The following SDK1 variants were observed in gnomAD, a reference collection of about 807,000 sequenced individuals.
The protein encoded by SDK1 is sidekick cell adhesion molecule 1.
A neutral mutation model predicts 245.5 loss-of-function variants in SDK1; 157 were observed. The observed-to-expected ratio is 0.64, with a 90% CI of 0.56 to 0.73. The LOEUF is 0.73. Ranked by LOEUF, SDK1 falls within the 30% of genes least tolerant of loss-of-function variation. SDK1 has a pLI of 0.00. For missense variants in SDK1, 3,583 were observed against 3,002.3 expected (o/e 1.19, Z -4.52); for synonymous variants, 1,647 against 1,278.5 (o/e 1.29, Z -6.15).
chr7:3,653,365 C>G (rs566534762), intron 4 of SDK1, among the ~76,000 whole-genome samples: 1 of 152,250 alleles, frequency 6.6e-6, no homozygotes, highest in Admixed American at 6.5e-5. Context: ...TATTTGAAAT[C>G]TAGACTTAGA....
Position 3,580,996 on chromosome 7 carries a change from C to CAAAAAAAAAAAAAAAAAAAAAA in SDK1, c.299-38080_299-38079insAAAAAAAAAAAAAAAAAAAAAA, listed in dbSNP as rs1418335916. On this transcript the variant is annotated intron_variant, in intron 1 of 44. Transcript: ENST00000404826. ...AAAAAAAAAAAAAAAAAAAAAAAACCAAAACAAAACCCTGGAAGACAATCT... is the reference window on the plus strand; with the variant it reads ...AAAAAAAAAAAAAAAAAAAAAAAACCAAAAAAAAAAAAAAAAAAAAAAAAAACAAAACCCTGGAAGACAATCT... 9.7e-5 allele frequency among the ~76,000 whole-genome samples: 9 copies of CAAAAAAAAAAAAAAAAAAAAAA among 92,962 alleles called. 1 individual carries two copies. The highest frequency in any genetic ancestry group is 3.6e-4 in the East Asian group (1 of 2,776). The allele number at this position is 92,962 out of a possible 152,430, so 61.0% of individuals were successfully genotyped here. A position where few individuals can be genotyped will look rare whatever the true frequency, so the allele number is the denominator to read the frequency against.
rs574638298 is a variant in SDK1 at position 4,244,212 on chromosome 7, A to G, written c.6252-1464A>G. Among the ~76,000 whole-genome samples, 5 of 152,170 alleles carry G rather than the reference A, an allele frequency of 3.3e-5. No homozygotes were observed. The South Asian group carries it at 1.0e-3, about 32-fold the overall frequency. On this transcript the variant is annotated intron_variant, in intron 43 of 44. Coordinates refer to ENST00000404826, the MANE Select transcript of SDK1 (RefSeq NM_152744.4). ...GCCTGTAGCCTCTCCTTGATCACCCAGTGTTACTTCTCCCATTGAGGGATG... is the reference window on the plus strand; with the variant it reads ...GCCTGTAGCCTCTCCTTGATCACCCGGTGTTACTTCTCCCATTGAGGGATG...
intron 13 of SDK1, among the ~76,000 whole-genome samples, chr7:3,975,968 T>C (rs1782922518): frequency 8.5e-6 from 1 of 117,558 alleles, no homozygotes; most frequent in African/African-American, 3.2e-5. Context: ...CAGAGGGTCC[T>C]CCAGAGAATC....
chr7:3,923,535 CCT>C (rs1172079893), intron 5 of SDK1, among the ~76,000 whole-genome samples: 1 of 152,178 alleles, frequency 6.6e-6, no homozygotes, highest in Non-Finnish European at 1.5e-5. Context: ...GTGGGCATCC[CCT>C]GAGTACCTGC....
chr7:4,161,948 A>G (rs1781162456), intron 32 of SDK1, 92 bp downstream of exon 32: 2 of 1,159,082 alleles, frequency 1.7e-6, no homozygotes. Context: ...CTGCAAGCTG[A>G]GCCCTGAGCT....
chr7:3,942,065 C>A (rs1780390517), intron 5 of SDK1, among the ~76,000 whole-genome samples: 1 of 152,110 alleles, frequency 6.6e-6, no homozygotes, highest in Admixed American at 6.5e-5. Flanking sequence ...CGCCACCATG[C>A]CCAGCTAATT....
At chr7:3,627,714 C>G (rs1047228404) in intron 2 of SDK1, among the ~76,000 whole-genome samples, 10 of 152,152 alleles carry the variant, frequency 6.6e-5, no homozygotes, top group African/African-American at 2.4e-4. Flanking sequence ...CCAACATGAC[C>G]GATTGATGTC....
chr7:4,145,282 G>C (rs1779881893), intron 28 of SDK1, among the ~76,000 whole-genome samples: 1 of 152,198 alleles, frequency 6.6e-6, no homozygotes, highest in Admixed American at 6.5e-5. Flanking sequence ...GGCCGCTGTG[G>C]AGCTGCTGTC....
chr7:4,033,240 T>G (rs1787962695), intron 17 of SDK1, among the ~76,000 whole-genome samples: 2 of 151,370 alleles, frequency 1.3e-5, no homozygotes, highest in Admixed American at 1.3e-4. Flanking sequence ...ATTATTGAAA[T>G]AAGTGGATAC....
chr7:3,789,442 C>CT (rs1360717068), intron 4 of SDK1, among the ~76,000 whole-genome samples: 1 of 152,196 alleles, frequency 6.6e-6, no homozygotes, highest in African/African-American at 2.4e-5. Context: ...GCCACTCTGC[C>CT]CAGCCTGTAA....
intron 1 of SDK1, among the ~76,000 whole-genome samples, chr7:3,500,696 TAAG>T (rs901121819): frequency 2.0e-5 from 3 of 152,200 alleles, no homozygotes; most frequent in African/African-American, 7.2e-5. Flanking sequence ...CTTTTATTTC[TAAG>T]AAGGCTTCTA....
Position 4,267,831 on chromosome 7 carries a change from G to A in SDK1, c.*2447G>A. The A allele has an allele frequency of 1.0e-6, 1 of 985,600 alleles. No individual in the cohort carries two copies. Among genetic ancestry groups the A allele is most frequent in the Non-Finnish European group, 1.2e-6 (1 of 830,086 alleles). The allele number at this position is 985,600 out of a possible 1,614,324, so 61.1% of individuals were successfully genotyped here. A position where few individuals can be genotyped will look rare whatever the true frequency, so the allele number is the denominator to read the frequency against. ...TGTCCGAGGCTACGCCGGCCTCCTG[G>A]CTGCTGCTGGACTGTGCTTAGGACA... On this transcript the variant is annotated 3_prime_UTR_variant, in exon 45 of 45. Transcript: ENST00000404826.
intron 1 of SDK1, among the ~76,000 whole-genome samples, chr7:3,357,484 G>T (rs1780836248): frequency 6.6e-6 from 1 of 151,130 alleles, no homozygotes; most frequent in African/African-American, 2.4e-5. Context: ...CCTGGCATCT[G>T]GGTTTCAGGT....
At chr7:3,876,292 C>A (rs762714845) in intron 5 of SDK1, among the ~76,000 whole-genome samples, 1 of 152,176 alleles carries the variant, frequency 6.6e-6, no homozygotes, top group Non-Finnish European at 1.5e-5. Context: ...TTTCCCCAGT[C>A]TTCTTTGGGG....
chr7:3,999,039 A>G (rs370638028), intron 14 of SDK1, among the ~76,000 whole-genome samples: 2 of 152,166 alleles, frequency 1.3e-5, no homozygotes, highest in South Asian at 2.1e-4. Flanking sequence ...GTTTGTATGT[A>G]TGTCATTGTA....
At chr7:3,458,408 C>T (rs1298673596) in intron 1 of SDK1, among the ~76,000 whole-genome samples, 1 of 152,056 alleles carries the variant, frequency 6.6e-6, no homozygotes. Flanking sequence ...ATGTATTGCA[C>T]AGATGAATAA....
At chr7:3,684,928 T>C (rs1025540525) in intron 4 of SDK1, among the ~76,000 whole-genome samples, 2 of 152,084 alleles carry the variant, frequency 1.3e-5, no homozygotes, top group African/African-American at 2.4e-5. Context: ...GTCAAGAATG[T>C]AGCCAATCTG....
At chr7:4,050,194 A>C (rs572519027) in intron 18 of SDK1, among the ~76,000 whole-genome samples, 2 of 152,292 alleles carry the variant, frequency 1.3e-5, no homozygotes, top group Admixed American at 6.5e-5. Flanking sequence ...TAGTTTCCTC[A>C]ATACCTGGTA....
intron 1 of SDK1, among the ~76,000 whole-genome samples, chr7:3,403,917 C>G (rs1522503): frequency 0.1 from 13,444 of 133,268 alleles, 883 homozygotes; most frequent in African/African-American, 0.17. Flanking sequence ...ATTCCATATA[C>G]AGGCATACCT....
Sources: gnomAD v4.1 joint callset for allele counts (sites outside exome capture counted in the v4.1 genomes callset) on GRCh38, gnomAD v4.1.1 for gene constraint, MANE v1.5 for transcripts, NCBI Gene and HGNC (gene_info 2026-07-23, HGNC 2026-07-21) for gene names.